The following MEMO1 variants were observed in gnomAD, a reference collection of about 807,000 sequenced individuals.
The protein encoded by MEMO1 is protein MEMO1.
A neutral mutation model predicts 45.2 loss-of-function variants in MEMO1; 6 were observed. The ratio of observed to expected loss-of-function variants is 0.13; its 90% CI spans 0.07 to 0.26. The LOEUF is 0.26. MEMO1 is among the 10% of genes least tolerant of loss of function. MEMO1 has a pLI of 1.00. For synonymous variants in MEMO1, 78 were observed against 124.3 expected, an observed-to-expected ratio of 0.63 and a Z score of 2.48; for missense variants, 184 against 370.5, an observed-to-expected ratio of 0.50 and a Z score of 4.13.
At chr2:31,931,416 G>A (rs991829615) in intron 4 of MEMO1, among the ~76,000 whole-genome samples, 2 of 152,058 alleles carry the variant, frequency 1.3e-5, no homozygotes, top group Non-Finnish European at 2.9e-5. Flanking sequence ...GCAAAGAAGG[G>A]CCAGATATTG....
chr2:31,999,032 T>C (rs1019068465), intron 2 of MEMO1, among the ~76,000 whole-genome samples: 10 of 152,330 alleles, frequency 6.6e-5, no homozygotes, highest in South Asian at 4.1e-4. Flanking sequence ...TGCTCAGGGA[T>C]AAACCTTAAG....
intron 3 of MEMO1, among the ~76,000 whole-genome samples, chr2:31,936,032 C>T (rs557960714): frequency 1.3e-4 from 20 of 152,126 alleles, no homozygotes; most frequent in East Asian, 9.7e-4. Flanking sequence ...GGCCACATCT[C>T]GGCTCACTGC....
intron 2 of MEMO1, among the ~76,000 whole-genome samples, chr2:31,979,313 C>T (rs1483453818): frequency 6.6e-6 from 1 of 152,118 alleles, no homozygotes; most frequent in Non-Finnish European, 1.5e-5. Flanking sequence ...GGACACAATG[C>T]CTAACTATAT....
chr2:32,003,223 T>A (rs948417284), intron 2 of MEMO1, among the ~76,000 whole-genome samples: 2 of 152,196 alleles, frequency 1.3e-5, no homozygotes, highest in African/African-American at 4.8e-5. Flanking sequence ...AACCCTGATA[T>A]AATTTTATCA....
chr2:31,923,752 A>C (rs1396255570), intron 4 of MEMO1: 63 of 1,525,610 alleles, frequency 4.1e-5, no homozygotes, highest in Non-Finnish European at 5.4e-5. Flanking sequence ...ACACAGTCAA[A>C]ATATGAAGTG....
At chr2:31,975,933 C>A (rs1669953973) in intron 2 of MEMO1, among the ~76,000 whole-genome samples, 1 of 152,126 alleles carries the variant, frequency 6.6e-6, no homozygotes, top group Admixed American at 6.6e-5. Flanking sequence ...CTGACTCTGT[C>A]ACCCAGGCTG....
chr2:31,990,712 T>C (rs181616092), intron 2 of MEMO1, among the ~76,000 whole-genome samples: 1 of 151,956 alleles, frequency 6.6e-6, no homozygotes, highest in East Asian at 1.9e-4. Flanking sequence ...TAGCCAAAAG[T>C]AAGTAACTTT....
At chr2:31,921,630 C>T (rs1437768161) in intron 4 of MEMO1, among the ~76,000 whole-genome samples, 1 of 152,078 alleles carries the variant, frequency 6.6e-6, no homozygotes, top group Non-Finnish European at 1.5e-5. Flanking sequence ...TCTAAAATAA[C>T]CTTCTAAGAT....
At chr2:31,890,901 C>T (rs1440148532) in intron 7 of MEMO1, among the ~76,000 whole-genome samples, 1 of 152,162 alleles carries the variant, frequency 6.6e-6, no homozygotes, top group African/African-American at 2.4e-5. Context: ...TAAAATCACT[C>T]CAGTTGAGGC....
At chr2:31,952,504 C>T (rs1666954254) in intron 2 of MEMO1, among the ~76,000 whole-genome samples, 2 of 152,110 alleles carry the variant, frequency 1.3e-5, no homozygotes, top group Admixed American at 6.6e-5. Flanking sequence ...ATACTTATTC[C>T]AGTTCATTTA....
At chr2:31,933,351 T>TAAAAAAAAAAAA (rs869274123) in intron 3 of MEMO1, among the ~76,000 whole-genome samples, 1 of 45,088 alleles carries the variant, frequency 2.2e-5, no homozygotes, top group Admixed American at 4.6e-4. Context: ...AAAAAAAAAT[T>TAAAAAAAAAAAA]TATATATATA....
chr2:31,939,512 TA>T (rs1665361817), intron 3 of MEMO1, among the ~76,000 whole-genome samples: 1 of 152,212 alleles, frequency 6.6e-6, no homozygotes, highest in African/African-American at 2.4e-5. Flanking sequence ...TTATGAATAC[TA>T]AACTCAACTT....
chr2:31,963,124 A>G (rs1450474286), intron 2 of MEMO1: 1 of 1,496,644 alleles, frequency 6.7e-7, no homozygotes, highest in Admixed American at 2.1e-5. Flanking sequence ...TAACTACACC[A>G]TTAGCTCTCC....
intron 7 of MEMO1, among the ~76,000 whole-genome samples, chr2:31,887,899 T>C (rs961105197): frequency 6.6e-6 from 1 of 152,102 alleles, no homozygotes; most frequent in African/African-American, 2.4e-5. Context: ...AATAATCACA[T>C]TAATATACAG....
chr2:32,002,188 C>T (rs13400554), intron 2 of MEMO1, among the ~76,000 whole-genome samples: 27,279 of 110,004 alleles, frequency 0.25, 3,409 homozygotes, highest in East Asian at 0.5. Context: ...TATATATATA[C>T]ACACACACAC....
chr2:31,966,732 C>CAAAAAAAA lies in MEMO1; in HGVS notation c.62-23357_62-23350dup, dbSNP rs758359349. 2.4e-4 allele frequency among the ~76,000 whole-genome samples: 28 copies of CAAAAAAAA among 117,858 alleles called. 4 individuals are homozygous for CAAAAAAAA. Among genetic ancestry groups the CAAAAAAAA allele is most frequent in the Admixed American group, 4.0e-4 (4 of 10,028 alleles). 77.3% of individuals were successfully genotyped at this position (117,858 alleles called of 152,430 possible). A position where few individuals can be genotyped will look rare whatever the true frequency, so the allele number is the denominator to read the frequency against. On this transcript the variant is annotated intron_variant, in intron 2 of 9. Coordinates refer to ENST00000404530, the MANE Select transcript of MEMO1 (RefSeq NM_001301833.4). ...TGGGTAACAGAGCAAGACTCTGTCT[C>CAAAAAAAA]AAAAAAAAAAAATGAAAAAAATAAA... is the stretch of plus-strand genomic sequence containing the variant.
At chr2:31,980,145 T>C (rs928188874) in intron 2 of MEMO1, among the ~76,000 whole-genome samples, 1 of 152,160 alleles carries the variant, frequency 6.6e-6, no homozygotes, top group South Asian at 2.1e-4. Context: ...AATTTTAAAA[T>C]ATTTTGCCAG....
At chr2:31,941,592 T>G (rs977295162) in intron 3 of MEMO1, among the ~76,000 whole-genome samples, 1 of 152,254 alleles carries the variant, frequency 6.6e-6, no homozygotes, top group Non-Finnish European at 1.5e-5. Context: ...GCACTTGGCC[T>G]TTAGCCTGGT....
intron 2 of MEMO1, among the ~76,000 whole-genome samples, chr2:31,946,837 T>C (rs374464204): frequency 2.0e-5 from 3 of 152,218 alleles, no homozygotes; most frequent in African/African-American, 7.2e-5. Context: ...TGAGACTCCA[T>C]TGCAAAAAAA....
Sources: gnomAD v4.1 joint callset for allele counts (sites outside exome capture counted in the v4.1 genomes callset) on GRCh38, gnomAD v4.1.1 for gene constraint, MANE v1.5 for transcripts, NCBI Gene and HGNC (gene_info 2026-07-23, HGNC 2026-07-21) for gene names.